ARHGAP6: variants seen among roughly 807,000 people sequenced by gnomAD.
ARHGAP6 encodes the protein rho GTPase-activating protein 6.
ARHGAP6 carries 16 observed loss-of-function variants against 55.7 expected under a neutral mutation model. The ratio of observed to expected loss-of-function variants is 0.29; its 90% confidence interval spans 0.19 to 0.44. The LOEUF (loss-of-function observed/expected upper bound fraction) is 0.44, where lower values mean the gene tolerates loss of function less well. Among genes scored for constraint, ARHGAP6 ranks in the 20% least tolerant of loss-of-function variants. The pLI is 1.00. For synonymous variants in ARHGAP6, 382 were observed against 360.9 expected (o/e 1.06, Z -0.66); for missense variants, 698 against 808.9 (o/e 0.86, Z 1.66).
chrX:11,410,236 T>C (rs1424509052), intron 1 of ARHGAP6, among the ~76,000 whole-genome samples: 1 of 112,314 alleles, frequency 8.9e-6, no homozygotes, highest in Non-Finnish European at 1.9e-5. Flanking sequence ...TGTCCATCAC[T>C]TGATGAATGA....
At chrX:11,417,659 C>T (rs751879545) in intron 1 of ARHGAP6, among the ~76,000 whole-genome samples, 2 of 111,229 alleles carry the variant, frequency 1.8e-5, no homozygotes, top group Non-Finnish European at 3.8e-5. Context: ...TATAAGTCTT[C>T]AATTATTACA....
intron 1 of ARHGAP6, among the ~76,000 whole-genome samples, chrX:11,518,063 T>C (rs1022479411): frequency 1.8e-5 from 2 of 111,881 alleles, no homozygotes; most frequent in African/African-American, 6.5e-5. Flanking sequence ...TTTTAAAACC[T>C]GAAATTATCA....
At chrX:11,233,953 G>A (rs768534235) in intron 2 of ARHGAP6, among the ~76,000 whole-genome samples, 2 of 112,462 alleles carry the variant, frequency 1.8e-5, no homozygotes, top group East Asian at 5.6e-4. Flanking sequence ...TCCTTAGGGG[G>A]AAAATATCCT....
intron 1 of ARHGAP6, among the ~76,000 whole-genome samples, chrX:11,499,633 G>T (rs186588442): frequency 8.9e-6 from 1 of 111,906 alleles, no homozygotes; most frequent in Non-Finnish European, 1.9e-5. Flanking sequence ...TTTATATAAC[G>T]ACTGTTTTCT....
At chrX:11,140,624 C>T (rs1471994482) in intron 12 of ARHGAP6, among the ~76,000 whole-genome samples, 2 of 109,086 alleles carry the variant, frequency 1.8e-5, no homozygotes, top group Non-Finnish European at 3.8e-5. Context: ...TGGAAGACAG[C>T]ATTCCCTCCC....
intron 1 of ARHGAP6, among the ~76,000 whole-genome samples, chrX:11,541,390 G>A (rs919245220): frequency 9.0e-6 from 1 of 110,775 alleles, no homozygotes; most frequent in Middle Eastern, 4.6e-3. Context: ...AGCCCTGTGA[G>A]AGCCCAATAA....
At chrX:11,453,183 T>G (rs1254568235) in intron 1 of ARHGAP6, among the ~76,000 whole-genome samples, 1 of 93,256 alleles carries the variant, frequency 1.1e-5, no homozygotes, top group East Asian at 3.0e-4. Context: ...TGGAATTGGC[T>G]CTCTCTCTCT....
intron 1 of ARHGAP6, among the ~76,000 whole-genome samples, chrX:11,438,246 T>C (rs1460867096): frequency 8.9e-6 from 1 of 112,388 alleles, no homozygotes; most frequent in Non-Finnish European, 1.9e-5. Flanking sequence ...GCCTCTTACT[T>C]TAAGGTTGGG....
chrX:11,435,799 A>G (rs2049982067), intron 1 of ARHGAP6, among the ~76,000 whole-genome samples: 1 of 112,016 alleles, frequency 8.9e-6, no homozygotes, highest in South Asian at 3.7e-4. Context: ...ACAAGCAAGG[A>G]TTAGATCCAT....
chrX:11,420,503 A>G (rs556275586), intron 1 of ARHGAP6, among the ~76,000 whole-genome samples: 24 of 111,502 alleles, frequency 2.2e-4, no homozygotes, highest in African/African-American at 7.8e-4. Flanking sequence ...GCTAATGGAC[A>G]TGCAGTGACA....
intron 1 of ARHGAP6, among the ~76,000 whole-genome samples, chrX:11,644,941 A>G (rs187767598): frequency 1.5e-3 from 173 of 112,189 alleles, no homozygotes; most frequent in Non-Finnish European, 2.8e-3. Flanking sequence ...AGCCAAATTT[A>G]CTTTGACGGG....
At chrX:11,552,890 A>C (rs1471514027) in intron 1 of ARHGAP6, among the ~76,000 whole-genome samples, 1 of 109,157 alleles carries the variant, frequency 9.2e-6, no homozygotes, top group Admixed American at 9.9e-5. Flanking sequence ...GAATAAGTTC[A>C]AGAGCTCTAT....
chrX:11,285,043 A>T (rs2047903538), intron 1 of ARHGAP6, among the ~76,000 whole-genome samples: 1 of 111,689 alleles, frequency 9.0e-6, no homozygotes, highest in African/African-American at 3.3e-5. Flanking sequence ...TGGACAGGAC[A>T]TAAGATTCCT....
chrX:11,325,109 C>T (rs1012800144), intron 1 of ARHGAP6, among the ~76,000 whole-genome samples: 2 of 112,188 alleles, frequency 1.8e-5, no homozygotes, highest in African/African-American at 6.5e-5. Flanking sequence ...CCACCCGCCT[C>T]GGCCTCCCAA....
intron 1 of ARHGAP6, among the ~76,000 whole-genome samples, chrX:11,358,897 A>G (rs2048972867): frequency 8.9e-6 from 1 of 112,130 alleles, no homozygotes; most frequent in Non-Finnish European, 1.9e-5. Flanking sequence ...TTGGTTTGGT[A>G]TATTTTATTC....
chrX:11,445,363 C>A (rs2050082873), intron 1 of ARHGAP6, among the ~76,000 whole-genome samples: 1 of 111,904 alleles, frequency 8.9e-6, no homozygotes, highest in African/African-American at 3.3e-5. Flanking sequence ...TTTTCCAAGA[C>A]CACATGGGGG....
intron 1 of ARHGAP6, among the ~76,000 whole-genome samples, chrX:11,322,635 C>T (rs1015103646): frequency 3.6e-5 from 4 of 112,311 alleles, no homozygotes; most frequent in African/African-American, 9.7e-5. Flanking sequence ...AGCATACATT[C>T]ACATAAACTT....
At chrX:11,185,005 T>A (rs1289040265) in intron 5 of ARHGAP6, among the ~76,000 whole-genome samples, 2 of 112,189 alleles carry the variant, frequency 1.8e-5, no homozygotes, top group African/African-American at 6.5e-5. Context: ...ATACTGTAGG[T>A]AACTGTAACA....
intron 1 of ARHGAP6, among the ~76,000 whole-genome samples, chrX:11,645,847 T>C (rs1048077352): frequency 8.9e-6 from 1 of 112,116 alleles, no homozygotes; most frequent in Non-Finnish European, 1.9e-5. Flanking sequence ...GTCTTGATTG[T>C]AACAGGGACT....
Sources: gnomAD v4.1 joint callset for allele counts (sites outside exome capture counted in the v4.1 genomes callset) on GRCh38, gnomAD v4.1.1 for gene constraint, MANE v1.5 for transcripts, NCBI Gene and HGNC (gene_info 2026-07-23, HGNC 2026-07-21) for gene names.